ITPKB: variants seen among roughly 807,000 people sequenced by gnomAD.
ITPKB encodes inositol-trisphosphate 3-kinase B, also known as IP3 3-kinase B.
In ITPKB, 13 loss-of-function variants were observed where a neutral mutation model predicts 69.4. The observed-to-expected ratio is 0.19, with a 90% CI of 0.12 to 0.30. The LOEUF is 0.30. Ranked by LOEUF, ITPKB falls within the 10% of genes least tolerant of loss-of-function variation. ITPKB has a pLI of 1.00. For synonymous variants in ITPKB, 584 were observed against 513.7 expected, an observed-to-expected ratio of 1.14 and a Z score of -1.85; for missense variants, 1,240 against 1,250.5, an observed-to-expected ratio of 0.99 and a Z score of 0.13.
rs1293419537 is a variant in ITPKB, at chr1:226,739,277, C to G, written c.-442G>C. 2 of 148,306 alleles carry G rather than the reference C, an allele frequency of 1.3e-5. No individual in the cohort carries two copies. The highest frequency in any genetic ancestry group is 3.0e-5 in the Non-Finnish European group (2 of 67,680). The allele number at this position is 148,306 out of a possible 1,614,324, so 9.2% of individuals were successfully genotyped here. A position where few individuals can be genotyped will look rare whatever the true frequency, so the allele number is the denominator to read the frequency against. ...CACGCCCTTTTCGACCGTGGAGATA[C>G]TGCCCCTGTCAGTGTCTGCTCCGGG... On this transcript the variant is annotated 5_prime_UTR_variant, in exon 1 of 8. Coordinates refer to ENST00000429204, the MANE Select transcript of ITPKB (RefSeq NM_002221.4).
At position 226,736,528 on chromosome 1, in the gene ITPKB, T is replaced by C; in HGVS notation, c.931A>G (p.Thr311Ala). 6.2e-7 allele frequency: 1 copy of C among 1,613,896 alleles called. No individual in the cohort carries two copies. The highest frequency in any genetic ancestry group is 1.1e-5 in the South Asian group (1 of 91,086). ...TMATEVAARV[T>A]STGPHRPQDL... Reference sequence around the variant, plus strand: ...TGTGGACGGTGTGGCCCAGTGGATGTAACTCTCGCTGCCACTTCCGTGGCC... The same window carrying C: ...TGTGGACGGTGTGGCCCAGTGGATGCAACTCTCGCTGCCACTTCCGTGGCC... Residue 311 changes from threonine to alanine, a missense_variant, in exon 2 of 8, where the codon ACA (threonine) becomes GCA (alanine). By Grantham distance (58) the Thr-to-Ala change is moderately conservative. Coordinates refer to ENST00000429204, the MANE Select transcript of ITPKB (RefSeq NM_002221.4).
intron 2 of ITPKB, among the ~76,000 whole-genome samples, chr1:226,670,406 G>A (rs1036771410): frequency 2.0e-5 from 3 of 152,030 alleles, no homozygotes; most frequent in Admixed American, 6.6e-5. Flanking sequence ...TCCAAAAAAC[G>A]GAAAAAGTTA....
intron 2 of ITPKB, among the ~76,000 whole-genome samples, chr1:226,723,969 G>A (rs1041595537): frequency 3.4e-4 from 52 of 152,240 alleles, no homozygotes; most frequent in African/African-American, 1.1e-3. Context: ...TTGGGACAAC[G>A]TGACTCGAGC....
In ITPKB at chr1:226,674,453, TC is replaced by T. The variant is rs1669685284; in HGVS notation, c.1933-25683del. Among the ~76,000 whole-genome samples the T allele has an allele frequency of 3.3e-5, 5 of 152,220 alleles. 1 individual carries two copies. Among genetic ancestry groups the T allele is most frequent in the Admixed American group, 3.3e-4 (5 of 15,282 alleles). ...ACCTCGTGATCCACCCACCTCAGCC[TC>T]CCATAGTGCTGGAATTACAGGCGTG... On this transcript the variant is annotated intron_variant, in intron 2 of 7. Transcript: ENST00000429204.
intron 2 of ITPKB, among the ~76,000 whole-genome samples, chr1:226,710,259 T>C (rs1353061704): frequency 6.6e-6 from 1 of 152,160 alleles, no homozygotes; most frequent in Non-Finnish European, 1.5e-5. Flanking sequence ...CCCTTTTAAC[T>C]AGTTATTTCT....
intron 2 of ITPKB, among the ~76,000 whole-genome samples, chr1:226,709,427 G>T (rs1030237841): frequency 3.3e-5 from 5 of 152,168 alleles, no homozygotes; most frequent in Admixed American, 6.5e-5. Flanking sequence ...GATGGGTCTA[G>T]GAATGTCTGA....
At chr1:226,703,702 A>G (rs1351888166) in intron 2 of ITPKB, among the ~76,000 whole-genome samples, 2 of 152,146 alleles carry the variant, frequency 1.3e-5, no homozygotes, top group Non-Finnish European at 2.9e-5. Flanking sequence ...GCTGACCTGC[A>G]CCCCTGGCTT....
chr1:226,705,698 C>A (rs1042039092), intron 2 of ITPKB, among the ~76,000 whole-genome samples: 1 of 152,186 alleles, frequency 6.6e-6, no homozygotes, highest in Non-Finnish European at 1.5e-5. Context: ...CACCCCATTC[C>A]GGGAGGCTAG....
chr1:226,712,937 C>A (rs1479428237), intron 2 of ITPKB, among the ~76,000 whole-genome samples: 1 of 152,088 alleles, frequency 6.6e-6, no homozygotes, highest in Admixed American at 6.5e-5. Context: ...ACTTCCATCG[C>A]ACCCCTCCAG....
chr1:226,634,525 A>T lies in ITPKB; in HGVS notation c.*146T>A. The T allele has an allele frequency of 1.7e-6, 1 of 600,702 alleles. No homozygotes were observed. Among genetic ancestry groups the T allele is most frequent in the East Asian group, 2.8e-5 (1 of 36,162 alleles). The allele number at this position is 600,702 out of a possible 1,614,324, so 37.2% of individuals were successfully genotyped here. A position where few individuals can be genotyped will look rare whatever the true frequency, so the allele number is the denominator to read the frequency against. ...CCTGAAGTTAGGAAAATGACTAGAA[A>T]CTCTCATCTCCTCTTCTACAAAGTG... On this transcript the variant is annotated 3_prime_UTR_variant, in exon 8 of 8. Coordinates refer to ENST00000429204, the MANE Select transcript of ITPKB (RefSeq NM_002221.4). The surrounding 1 kb of genome is among the most constrained non-coding windows in gnomAD (Gnocchi z 6.3).
rs751886884 is a variant in ITPKB, at chr1:226,736,252, C to A, written c.1207G>T (p.Ala403Ser). ...CAGCTCAGGGAATCAGAGGACTCTGCGCTTTGCACGCTCACAGTCGTCTCC... is the reference window on the plus strand; with the variant it reads ...CAGCTCAGGGAATCAGAGGACTCTGAGCTTTGCACGCTCACAGTCGTCTCC... ...PEETTVSVQS[A>S]ESSDSLSWSR... Residue 403 changes from alanine to serine, a missense_variant, in exon 2 of 8, where the codon GCA becomes TCA. Ala to Ser is a moderately conservative substitution (Grantham distance 99). Coordinates refer to ENST00000429204, the MANE Select transcript of ITPKB (RefSeq NM_002221.4). 1.3e-6 allele frequency: 2 copies of A among 1,562,472 alleles called. No individual in the cohort carries two copies. Among genetic ancestry groups the A allele is most frequent in the African/African-American group, 1.4e-5 (1 of 73,160 alleles).
rs762288588 is a variant in ITPKB, at chr1:226,634,701, G to C, written c.2811C>G (p.Thr937=). The change falls in exon 8 of 8, where the codon ACC becomes ACG. Residue 937 remains threonine, a synonymous_variant. Transcript: ENST00000429204. The surrounding 1 kb of genome is among the most constrained non-coding windows in gnomAD (Gnocchi z 6.3). ...CGAGTGGGGCATCCTGGGACATCTC[G>C]GTCAGGATGTCGACGAGGTTATTGA... ...SGLNNLVDIL[T]EMSQDAPLA 1.1e-6 allele frequency: 1 copy of C among 909,176 alleles called. No individual in the cohort carries two copies. Among genetic ancestry groups the C allele is most frequent in the South Asian group, 1.3e-5 (1 of 76,908 alleles). The allele number at this position is 909,176 out of a possible 1,614,324, so 56.3% of individuals were successfully genotyped here. A position where few individuals can be genotyped will look rare whatever the true frequency, so the allele number is the denominator to read the frequency against.
chr1:226,639,527 A>G (rs1668908298), intron 6 of ITPKB, 30 bp downstream of exon 6: 1 of 1,421,534 alleles, frequency 7.0e-7, no homozygotes, highest in Non-Finnish European at 1.0e-6. Flanking sequence ...GGCTGGCTGG[A>G]GAGACCCTCT....
intron 2 of ITPKB, among the ~76,000 whole-genome samples, chr1:226,689,373 G>C (rs1434743253): frequency 3.9e-5 from 6 of 152,166 alleles, no homozygotes; most frequent in African/African-American, 1.4e-4. Flanking sequence ...TTGTTTCCCA[G>C]AGAGTGTCCA....
In ITPKB at chr1:226,659,298, G is replaced by A. The variant is rs552652763; in HGVS notation, c.1933-10527C>T. Among the ~76,000 whole-genome samples, 23 of 152,176 alleles carry A rather than the reference G, an allele frequency of 1.5e-4. No individual in the cohort carries two copies. In the South Asian group the frequency reaches 2.9e-3, roughly 19 times the overall value. On this transcript the variant is annotated intron_variant, in intron 2 of 7. Transcript: ENST00000429204. ...AAAGGAGGTTGCCCAAGGCCCAGAC[G>A]GCAAGGACAGGGCTCCAGGAGCAGC...
chr1:226,706,949 C>T (rs1263513597), intron 2 of ITPKB, among the ~76,000 whole-genome samples: 2 of 151,958 alleles, frequency 1.3e-5, no homozygotes, highest in Non-Finnish European at 2.9e-5. Context: ...TTCCTGGGGG[C>T]TCAAAAAGGG....
At chr1:226,640,237 T>C (rs1668931303) in intron 5 of ITPKB, among the ~76,000 whole-genome samples, 1 of 152,232 alleles carries the variant, frequency 6.6e-6, no homozygotes, top group Non-Finnish European at 1.5e-5. Context: ...CCCATCTTCT[T>C]GGCCCCAGCA....
chr1:226,721,645 G>A (rs1371192533), intron 2 of ITPKB, among the ~76,000 whole-genome samples: 1 of 149,286 alleles, frequency 6.7e-6, no homozygotes, highest in Non-Finnish European at 1.5e-5. Flanking sequence ...ACAGGCGTAC[G>A]CCACCACGCC....
At chr1:226,662,265 C>G (rs1669416987) in intron 2 of ITPKB, among the ~76,000 whole-genome samples, 1 of 152,230 alleles carries the variant, frequency 6.6e-6, no homozygotes, top group South Asian at 2.1e-4. Flanking sequence ...TGGAGGATGA[C>G]ATTTACAAAG....
Sources: allele counts gnomAD v4.1 joint callset (sites outside exome capture counted in the v4.1 genomes callset), GRCh38; gene constraint gnomAD v4.1.1; non-coding constraint Gnocchi (gnomAD v3.1); transcripts MANE v1.5; gene names NCBI Gene and HGNC (gene_info 2026-07-23, HGNC 2026-07-21).